KLHL29: variants seen among roughly 807,000 people sequenced by gnomAD.
The protein encoded by KLHL29 is kelch like family member 29.
KLHL29 carries 21 observed loss-of-function variants against 80.4 expected under a neutral mutation model. That is an observed-to-expected ratio of 0.26 (90% CI 0.19 to 0.38). KLHL29 has a LOEUF of 0.38. Ranked by LOEUF, KLHL29 falls within the 10% of genes least tolerant of loss-of-function variation. The pLI, the probability that KLHL29 is intolerant of heterozygous loss-of-function variation, is 1.00. For missense variants in KLHL29, 867 were observed against 1,223.9 expected (o/e 0.71, Z 4.35); for synonymous variants, 511 against 526.8 (o/e 0.97, Z 0.41).
chr2:23,511,545 G>A (rs756539349), intron 2 of KLHL29, among the ~76,000 whole-genome samples: 4 of 152,234 alleles, frequency 2.6e-5, no homozygotes, highest in Admixed American at 6.5e-5. Context: ...ATTCGAGGCT[G>A]AGGGTTAGCT....
At chr2:23,634,963 A>T (rs201709159) in intron 3 of KLHL29, among the ~76,000 whole-genome samples, 1 of 115,766 alleles carries the variant, frequency 8.6e-6, no homozygotes, top group Non-Finnish European at 1.8e-5. Context: ...GGAGCTTTGC[A>T]AAGACAGGGC....
chr2:23,656,707 C>T (rs1279254835), intron 5 of KLHL29, among the ~76,000 whole-genome samples: 1 of 152,090 alleles, frequency 6.6e-6, no homozygotes, highest in African/African-American at 2.4e-5. Flanking sequence ...ATAGAAAAGT[C>T]ATGTGAGTCC....
chr2:23,643,343 G>C (rs574736967), intron 5 of KLHL29: 21 of 268,374 alleles, frequency 7.8e-5, no homozygotes, highest in Admixed American at 2.2e-4. Flanking sequence ...ACTGCCCAAG[G>C]CAATTTAGTT....
intron 1 of KLHL29, among the ~76,000 whole-genome samples, chr2:23,443,714 C>T (rs1253313450): frequency 2.6e-5 from 4 of 152,220 alleles, no homozygotes; most frequent in African/African-American, 9.6e-5. Context: ...CCATGTCCTG[C>T]ATATGGCATC....
At chr2:23,648,401 C>T (rs1285307606) in intron 5 of KLHL29, among the ~76,000 whole-genome samples, 4 of 152,110 alleles carry the variant, frequency 2.6e-5, no homozygotes, top group African/African-American at 4.8e-5. Flanking sequence ...TTTCAGTGTC[C>T]GTGGCCTTTT....
intron 3 of KLHL29, among the ~76,000 whole-genome samples, chr2:23,592,855 C>G (rs1212849553): frequency 1.3e-5 from 2 of 152,210 alleles, no homozygotes; most frequent in Non-Finnish European, 2.9e-5. Context: ...GGTGTCCCCT[C>G]CCTGCAGGCA....
intron 1 of KLHL29, among the ~76,000 whole-genome samples, chr2:23,402,822 T>G (rs1165762616): frequency 6.6e-6 from 1 of 151,792 alleles, no homozygotes; most frequent in Non-Finnish European, 1.5e-5. Flanking sequence ...GAAACTTAAT[T>G]AATACATGTG....
intron 2 of KLHL29, among the ~76,000 whole-genome samples, chr2:23,524,858 A>G (rs1475985363): frequency 2.0e-5 from 3 of 152,182 alleles, no homozygotes; most frequent in Non-Finnish European, 2.9e-5. Flanking sequence ...ATTGGAAGGC[A>G]TTTTCCATGT....
At chr2:23,671,528 T>TG (rs1348595637) in intron 5 of KLHL29, among the ~76,000 whole-genome samples, 1 of 152,226 alleles carries the variant, frequency 6.6e-6, no homozygotes, top group Non-Finnish European at 1.5e-5. Context: ...TCATCCCTTA[T>TG]GGAGGAATAC....
At chr2:23,515,610 T>C (rs1665897039) in intron 2 of KLHL29, among the ~76,000 whole-genome samples, 1 of 152,216 alleles carries the variant, frequency 6.6e-6, no homozygotes, top group Non-Finnish European at 1.5e-5. Context: ...GAATACTGTG[T>C]TATCTGTCTG....
At chr2:23,632,770 C>T (rs908992711) in intron 3 of KLHL29, among the ~76,000 whole-genome samples, 3 of 152,230 alleles carry the variant, frequency 2.0e-5, no homozygotes, top group Non-Finnish European at 4.4e-5. Context: ...ACACCAGAGC[C>T]TCCCTGTCCC....
At chr2:23,413,349 T>C (rs1355736210) in intron 1 of KLHL29, among the ~76,000 whole-genome samples, 1 of 152,182 alleles carries the variant, frequency 6.6e-6, no homozygotes, top group Non-Finnish European at 1.5e-5. Context: ...ACATGCTGTG[T>C]GATCCATTTT....
At chr2:23,393,783 G>A (rs1015469750) in intron 1 of KLHL29, among the ~76,000 whole-genome samples, 2 of 152,178 alleles carry the variant, frequency 1.3e-5, no homozygotes, top group African/African-American at 2.4e-5. Flanking sequence ...TGAGAAAGAC[G>A]TGGTTGCAGT....
chr2:23,564,995 T>G (rs998716654), intron 3 of KLHL29, among the ~76,000 whole-genome samples: 1 of 152,316 alleles, frequency 6.6e-6, no homozygotes, highest in South Asian at 2.1e-4. Flanking sequence ...ACCTAACCTC[T>G]CTGGGCGTCA....
At chr2:23,476,601 G>A (rs1664649102) in intron 2 of KLHL29, among the ~76,000 whole-genome samples, 1 of 152,142 alleles carries the variant, frequency 6.6e-6, no homozygotes, top group South Asian at 2.1e-4. Context: ...TGTCTACTCT[G>A]TGGATATAAT....
At position 23,653,894 on chromosome 2, in the gene KLHL29, G is replaced by A. The variant is rs571603402; in HGVS notation, c.940+11044G>A. ...AAATTGCCCAGCTTCGGCCAGGCAC[G>A]GTGGCTCACAACCTATAATCCCAGC... On this transcript the variant is annotated intron_variant, in intron 5 of 13. Coordinates refer to ENST00000486442, the MANE Select transcript of KLHL29 (RefSeq NM_052920.2). Among the ~76,000 whole-genome samples, 368 of 152,250 alleles carry A rather than the reference G, an allele frequency of 2.4e-3. 1 individual carries two copies. Among genetic ancestry groups the A allele is most frequent in the African/African-American group, 7.8e-3 (323 of 41,540 alleles).
intron 3 of KLHL29, among the ~76,000 whole-genome samples, chr2:23,633,756 C>CGTGTGTGTGTGTGT (rs1181808728): frequency 2.7e-5 from 4 of 147,128 alleles, no homozygotes; most frequent in Non-Finnish European, 4.5e-5. Context: ...TCACAGCACT[C>CGTGTGTGTGTGTGT]GTGTGTGTGT....
intron 1 of KLHL29, among the ~76,000 whole-genome samples, chr2:23,402,806 A>C (rs566061996): frequency 6.6e-6 from 1 of 152,272 alleles, no homozygotes; most frequent in East Asian, 1.9e-4. Context: ...GTTTTTAATT[A>C]ATAAGGAAAC....
At chr2:23,501,621 C>T (rs1023810522) in intron 2 of KLHL29, among the ~76,000 whole-genome samples, 3 of 152,280 alleles carry the variant, frequency 2.0e-5, no homozygotes, top group Admixed American at 6.5e-5. Flanking sequence ...TTCCTTCAAA[C>T]TAGTAAAACT....
Sources: gnomAD v4.1 joint callset for allele counts (sites outside exome capture counted in the v4.1 genomes callset) on GRCh38, gnomAD v4.1.1 for gene constraint, MANE v1.5 for transcripts, NCBI Gene and HGNC (gene_info 2026-07-23, HGNC 2026-07-21) for gene names.